Variants in ZNF335 observed in about 807,000 individuals in gnomAD.
ZNF335 encodes NRC-interacting factor 1.
Under a neutral mutation model 145.6 loss-of-function variants are expected in ZNF335, and 84 were observed. The ratio of observed to expected loss-of-function variants is 0.58; its 90% confidence interval spans 0.48 to 0.69. The LOEUF is 0.69. ZNF335 is among the 30% of genes least tolerant of loss of function. The pLI, the probability that ZNF335 is intolerant of heterozygous loss-of-function variation, is 0.00. For missense variants in ZNF335, 1,865 were observed against 1,809.7 expected (o/e 1.03, Z -0.55); for synonymous variants, 761 against 717.0 (o/e 1.06, Z -0.98).
Position 45,957,661 on chromosome 20 carries a change from C to A in ZNF335, c.2367G>T (p.Ala789=), listed in dbSNP as rs2083753764. The A allele has an allele frequency of 2.5e-6, 4 of 1,614,040 alleles. No homozygotes were observed. The highest frequency in any genetic ancestry group is 3.4e-6 in the Non-Finnish European group (4 of 1,180,020). The part of the protein sequence containing the change: ...IYQQGAEEST[A]MATQTALDLL... ...GATCCAAGGCTGTCTGCGTGGCCAT[C>A]GCTGTCGACTCCTCAGCTCCTGGGT... The change falls in exon 17 of 28, where the codon GCG becomes GCT. Residue 789 remains alanine (A), a synonymous_variant. Transcript: ENST00000322927.
intron 20 of ZNF335, among the ~76,000 whole-genome samples, chr20:45,950,843 T>C (rs1027279746): frequency 1.3e-5 from 2 of 151,986 alleles, no homozygotes; most frequent in Non-Finnish European, 2.9e-5. Flanking sequence ...ACTTTACCCA[T>C]ATGTAACACA....
rs1010909714 is a variant in ZNF335, at chr20:45,957,760, C to G, written c.2347+75G>C. ...CCACCCCCTCCCCATCTTCCAGCCC[C>G]CACCAGCACGACCTGCCCCTGCCCA... On this transcript the variant is annotated intron_variant, in intron 16 of 27. Transcript: ENST00000322927. 1.3e-5 allele frequency: 21 copies of G among 1,605,122 alleles called. No individual in the cohort carries two copies. In the African/African-American group the frequency reaches 2.5e-4, roughly 19 times the overall value.
intron 10 of ZNF335, 34 bp from the exon 11 acceptor site, chr20:45,960,916 C>A (rs780665509): frequency 1.2e-6 from 2 of 1,612,286 alleles, no homozygotes; most frequent in Non-Finnish European, 1.7e-6. Context: ...TAGACCAGAG[C>A]TTCCCCAAGC....
chr20:45,951,928 C>T (rs1201019020), intron 20 of ZNF335, among the ~76,000 whole-genome samples: 2 of 152,202 alleles, frequency 1.3e-5, no homozygotes, highest in Admixed American at 6.5e-5. Flanking sequence ...GGTTCACACT[C>T]GGGACACTGT....
intron 18 of ZNF335, among the ~76,000 whole-genome samples, 199 bp downstream of exon 18, chr20:45,953,490 G>C (rs1193649133): frequency 6.6e-6 from 1 of 152,214 alleles, no homozygotes; most frequent in African/African-American, 2.4e-5. Flanking sequence ...CCCATCATGA[G>C]TGCCAAGTGC....
At chr20:45,955,423 T>C (rs999985417) in intron 17 of ZNF335, among the ~76,000 whole-genome samples, 1 of 145,342 alleles carries the variant, frequency 6.9e-6, no homozygotes, top group African/African-American at 2.5e-5. Flanking sequence ...CAGGGAAATA[T>C]ACCCTACTGG....
intron 10 of ZNF335, among the ~76,000 whole-genome samples, chr20:45,961,328 C>T (rs544817478): frequency 3.3e-5 from 5 of 152,224 alleles, no homozygotes; most frequent in East Asian, 1.9e-4. Flanking sequence ...GAGGTTGAGG[C>T]TGCAGTGAGC....
At chr20:45,949,677 G>T in intron 24 of ZNF335, 109 bp from the exon 25 acceptor site, 1 of 1,426,186 alleles carries the variant, frequency 7.0e-7, no homozygotes, top group Non-Finnish European at 9.7e-7. Flanking sequence ...CAGCAACAAT[G>T]CAGTTGTTGG....
chr20:45,959,378 G>A lies in ZNF335; in HGVS notation c.2076C>T (p.Asn692=). 1 of 1,571,014 alleles carries A rather than the reference G, an allele frequency of 6.4e-7. No individual in the cohort carries two copies. The highest frequency in any genetic ancestry group is 8.7e-7 in the Non-Finnish European group (1 of 1,153,370). ...GTCGGCACCGTACGTGCAGGCGCAG[G>A]TTCTTCTTGTGCCGTGTGCTGAAGT... The part of the protein sequence containing the change: ...YCHFSTRHKK[N]LRLHVRCRHA... Residue 692 remains asparagine, a synonymous_variant, in exon 15 of 28, where the codon AAC becomes AAT. Transcript: ENST00000322927.
intron 2 of ZNF335, 154 bp from the exon 3 acceptor site, chr20:45,969,845 G>A (rs2084027487): frequency 1.0e-6 from 1 of 971,030 alleles, no homozygotes; most frequent in South Asian, 2.0e-5. Flanking sequence ...ACCAGTGAGA[G>A]AGGCCCTCCA....
At chr20:45,957,994 C>T in intron 15 of ZNF335, 66 bp from the exon 16 acceptor site, 1 of 1,256,370 alleles carries the variant, frequency 8.0e-7, no homozygotes, top group Non-Finnish European at 1.2e-6. Context: ...ATTTGCCAAG[C>T]ACCTCTGATC....
Position 45,959,057 on chromosome 20 carries a change from A to G in ZNF335, c.2253+144T>C, listed in dbSNP as rs913234592. The G allele has an allele frequency of 4.7e-5, 28 of 593,684 alleles. No individual in the cohort carries two copies. In the Middle Eastern group the frequency reaches 1.2e-3, roughly 26 times the overall value. 36.8% of individuals were successfully genotyped at this position (593,684 alleles called of 1,614,324 possible). A position where few individuals can be genotyped will look rare whatever the true frequency, so the allele number is the denominator to read the frequency against. On this transcript the variant is annotated intron_variant, in intron 15 of 27. Coordinates refer to ENST00000322927, the MANE Select transcript of ZNF335 (RefSeq NM_022095.4). ...AGAAAGCCACCCTTACTCTAAGCTT[A>G]GGGCTGGCATATGTGTGACTCAGTG...
In ZNF335 at chr20:45,963,829, T is replaced by C. The variant is rs1291333701; in HGVS notation, c.1264A>G (p.Asn422Asp). ...EAGVSQSDAE[N>D]AAPSCPDEHD... Reference sequence around the variant, plus strand: ...TCATCCGGGCAGGAGGGGGCTGCGTTCTCTGCATCTGACTGGCTCACACCA... The same window carrying C: ...TCATCCGGGCAGGAGGGGGCTGCGTCCTCTGCATCTGACTGGCTCACACCA... The change falls in exon 8 of 28, where the codon AAC becomes GAC. Residue 422 changes from asparagine to aspartate, a missense_variant. Coordinates refer to ENST00000322927, the MANE Select transcript of ZNF335 (RefSeq NM_022095.4). 3 of 1,613,826 alleles carry C rather than the reference T, an allele frequency of 1.9e-6. No individual in the cohort carries two copies. The highest frequency in any genetic ancestry group is 2.2e-5 in the South Asian group (2 of 91,034).
At chr20:45,968,747 T>C (rs779035751) in intron 3 of ZNF335, 4 of 215,872 alleles carry the variant, frequency 1.9e-5, no homozygotes, top group Admixed American at 5.0e-5. Flanking sequence ...TGAGGTGCTA[T>C]AGCCTCTATA....
chr20:45,949,438 C>CAT, intron 25 of ZNF335, 40 bp from the exon 26 acceptor site: 1 of 1,613,964 alleles, frequency 6.2e-7, no homozygotes, highest in Non-Finnish European at 8.5e-7. Flanking sequence ...AGGGAGAGGT[C>CAT]ATGCAGCCCT....
rs1268481454 is a variant in ZNF335, at chr20:45,959,418, G to A, written c.2036C>T (p.Ala679Val). 6.8e-7 allele frequency: 1 copy of A among 1,480,084 alleles called. No individual in the cohort carries two copies. The allele number at this position is 1,480,084 out of a possible 1,614,324, so 91.7% of individuals were successfully genotyped here. The part of the protein sequence containing the change: ...AVKHTGAKPF[A>V]CEYCHFSTRH... ...TGTGCTGAAGTGGCAGTACTCACAGGCGAAGGGCTTGGCCCCTGGAGGCAC... is the reference window on the plus strand; with the variant it reads ...TGTGCTGAAGTGGCAGTACTCACAGACGAAGGGCTTGGCCCCTGGAGGCAC... The change falls in exon 15 of 28, where the codon GCC becomes GTC. Residue 679 changes from alanine to valine, a missense_variant. Ala to Val is a moderately conservative substitution (Grantham distance 64). Transcript: ENST00000322927.
In ZNF335 at chr20:45,957,866, G is replaced by T. The variant is rs766762493; in HGVS notation, c.2316C>A (p.Thr772=). ...GGTAGATGATGGTGGCGCCGCCCAG[G>T]GTGTCAGAACAGAGCAATGAGGGAG... ...SEAPSLLCSD[T]LGGATIIYQQ... Residue 772 remains threonine (T), a synonymous_variant, in exon 16 of 28, where the codon ACC becomes ACA. Transcript: ENST00000322927. The T allele has an allele frequency of 6.8e-6, 11 of 1,613,748 alleles. No homozygotes were observed. The highest frequency in any genetic ancestry group is 7.6e-6 in the Non-Finnish European group (9 of 1,179,960).
At chr20:45,963,699 A>T (rs577516307) in intron 8 of ZNF335, 39 bp downstream of exon 8, 1 of 1,613,962 alleles carries the variant, frequency 6.2e-7, no homozygotes, top group South Asian at 1.1e-5. Flanking sequence ...TGGTGGCTTA[A>T]CCACATGCAT....
At chr20:45,961,093 A>G (rs779713394) in intron 10 of ZNF335, among the ~76,000 whole-genome samples, 1 of 152,198 alleles carries the variant, frequency 6.6e-6, no homozygotes, top group Non-Finnish European at 1.5e-5. Context: ...ATATTTGTGA[A>G]ATGGTACATT....
Sources: allele counts gnomAD v4.1 joint callset (sites outside exome capture counted in the v4.1 genomes callset), GRCh38; gene constraint gnomAD v4.1.1; transcripts MANE v1.5; gene names NCBI Gene and HGNC (gene_info 2026-07-23, HGNC 2026-07-21).